The following PLCXD3 variants were observed in gnomAD, a reference collection of about 807,000 sequenced individuals.
PLCXD3 encodes PI-PLC X domain-containing protein 3.
In PLCXD3, 19 loss-of-function variants were observed where a neutral mutation model predicts 25.5. The observed-to-expected ratio is 0.75, with a 90% CI of 0.52 to 1.09. PLCXD3 has a LOEUF of 1.09. PLCXD3 is among the 50% of genes least tolerant of loss of function. The pLI, the probability that PLCXD3 is intolerant of heterozygous loss-of-function variation, is 0.00. For synonymous variants in PLCXD3, 174 were observed against 137.6 expected (o/e 1.26, Z -1.85); for missense variants, 411 against 388.1 (o/e 1.06, Z -0.50).
At chr5:41,456,733 T>C (rs1747762011) in intron 1 of PLCXD3, among the ~76,000 whole-genome samples, 1 of 151,856 alleles carries the variant, frequency 6.6e-6, no homozygotes, top group Non-Finnish European at 1.5e-5. Context: ...GAGAGATCCC[T>C]TGTCCCTTCC....
intron 2 of PLCXD3, among the ~76,000 whole-genome samples, chr5:41,341,414 T>A (rs1744145164): frequency 6.6e-6 from 1 of 152,206 alleles, no homozygotes; most frequent in African/African-American, 2.4e-5. Flanking sequence ...TACCTCATGA[T>A]TACTAGGAAG....
chr5:41,478,967 G>A (rs1239078009), intron 1 of PLCXD3, among the ~76,000 whole-genome samples: 1 of 152,076 alleles, frequency 6.6e-6, no homozygotes, highest in Non-Finnish European at 1.5e-5. Flanking sequence ...AGAACAGCAA[G>A]GGGGAAGTCT....
chr5:41,324,884 C>T (rs765668277), intron 2 of PLCXD3, among the ~76,000 whole-genome samples: 7 of 152,128 alleles, frequency 4.6e-5, no homozygotes, highest in African/African-American at 1.7e-4. Context: ...ATGCTGAGGC[C>T]AGTATTGATT....
intron 2 of PLCXD3, among the ~76,000 whole-genome samples, chr5:41,316,330 C>G (rs970273792): frequency 6.6e-6 from 1 of 152,128 alleles, no homozygotes; most frequent in South Asian, 2.1e-4. Flanking sequence ...AACTGAAGAG[C>G]CCTTGGCCCC....
chr5:41,480,494 A>T (rs144430661), intron 1 of PLCXD3, among the ~76,000 whole-genome samples: 1,811 of 151,964 alleles, frequency 0.012, 41 homozygotes, highest in African/African-American at 0.041. Flanking sequence ...CAGAGAAAAA[A>T]CACAATTCAG....
chr5:41,340,690 G>A (rs1213389504), intron 2 of PLCXD3, among the ~76,000 whole-genome samples: 1 of 152,166 alleles, frequency 6.6e-6, no homozygotes, highest in African/African-American at 2.4e-5. Flanking sequence ...CTCTCAGGCA[G>A]AACTGTTTAG....
At chr5:41,358,045 CA>C (rs1417025625) in intron 2 of PLCXD3, among the ~76,000 whole-genome samples, 3 of 152,192 alleles carry the variant, frequency 2.0e-5, no homozygotes, top group Admixed American at 6.5e-5. Flanking sequence ...AATATCCTTA[CA>C]AAAATATATT....
At chr5:41,330,680 G>C (rs1168829597) in intron 2 of PLCXD3, among the ~76,000 whole-genome samples, 1 of 152,130 alleles carries the variant, frequency 6.6e-6, no homozygotes, top group East Asian at 1.9e-4. Context: ...GATGAACATT[G>C]ATGCAAAAAT....
At chr5:41,348,578 C>T (rs144965458) in intron 2 of PLCXD3, among the ~76,000 whole-genome samples, 25 of 152,270 alleles carry the variant, frequency 1.6e-4, no homozygotes, top group Non-Finnish European at 3.2e-4. Flanking sequence ...GTTTTTCCTA[C>T]AGAAATCCCA....
chr5:41,317,269 A>T (rs776726409), intron 2 of PLCXD3, among the ~76,000 whole-genome samples: 2 of 152,234 alleles, frequency 1.3e-5, no homozygotes, highest in African/African-American at 2.4e-5. Context: ...TCAAGGTGGT[A>T]CCTCTACAAG....
At chr5:41,350,220 T>C (rs111959171) in intron 2 of PLCXD3, among the ~76,000 whole-genome samples, 1 of 152,148 alleles carries the variant, frequency 6.6e-6, no homozygotes, top group East Asian at 1.9e-4. Flanking sequence ...TTAAATTCCG[T>C]CCTCTGTTTT....
Position 41,313,554 on chromosome 5 carries a change from G to A in PLCXD3, c.*63C>T. On this transcript the variant is annotated 3_prime_UTR_variant, in exon 3 of 3. Transcript: ENST00000377801. ...GAATAGGAAGATCAGAGTGTTTACA[G>A]ATAGTATGCCCTAATACAATGAGCT... The A allele has an allele frequency of 6.3e-7, 1 of 1,587,696 alleles. No individual in the cohort carries two copies. Among genetic ancestry groups the A allele is most frequent in the Non-Finnish European group, 8.6e-7 (1 of 1,157,324 alleles).
chr5:41,381,095 A>T (rs1745445208), intron 2 of PLCXD3, among the ~76,000 whole-genome samples: 1 of 152,132 alleles, frequency 6.6e-6, no homozygotes, highest in Non-Finnish European at 1.5e-5. Flanking sequence ...AAAATATATC[A>T]CTTTTTTGAA....
intron 2 of PLCXD3, among the ~76,000 whole-genome samples, chr5:41,378,064 A>G (rs1745349343): frequency 6.6e-6 from 1 of 152,116 alleles, no homozygotes; most frequent in Admixed American, 6.6e-5. Context: ...TGTCAGAATC[A>G]GTTCACTTCA....
Position 41,381,899 on chromosome 5 carries a change from C to G in PLCXD3, c.739G>C (p.Val247Leu). 1 of 1,613,290 alleles carries G rather than the reference C, an allele frequency of 6.2e-7. No individual in the cohort carries two copies. Among genetic ancestry groups the G allele is most frequent in the Non-Finnish European group, 8.5e-7 (1 of 1,179,670 alleles). Residue 247 changes from valine (V) to leucine (L), a missense_variant, in exon 2 of 3, where the codon GTG becomes CTG. Physicochemically the swap from Val to Leu is conservative, Grantham distance 32. Transcript: ENST00000377801. ...GTGCTAGCTTTGGGGGTCAGCACCA[C>G]CTGAGATATAAAAAACGATCCCTTC... is the stretch of plus-strand genomic sequence containing the variant. ...RKKGSFFISQ[V>L]VLTPKASTVV...
At chr5:41,420,444 A>G (rs1746792667) in intron 1 of PLCXD3, among the ~76,000 whole-genome samples, 1 of 152,170 alleles carries the variant, frequency 6.6e-6, no homozygotes, top group South Asian at 2.1e-4. Flanking sequence ...CCTCCAAAAC[A>G]ACCAACTTTA....
At chr5:41,479,103 T>C (rs868262976) in intron 1 of PLCXD3, among the ~76,000 whole-genome samples, 15 of 152,108 alleles carry the variant, frequency 9.9e-5, no homozygotes, top group Non-Finnish European at 4.4e-5. Context: ...GACAGAAGAA[T>C]GGGTAAACAA....
Position 41,426,524 on chromosome 5 carries a change from T to C in PLCXD3, c.104-43990A>G, listed in dbSNP as rs1746960628. Among the ~76,000 whole-genome samples the C allele has an allele frequency of 2.0e-5, 3 of 152,092 alleles. No homozygotes were observed. The South Asian group carries it at 6.2e-4, about 31-fold the overall frequency. Reference sequence around the variant, plus strand: ...CTATTTTTAGTCTTTATCCTTCATATGTTAACAAAGCTACTTAGTTTGACA... The same window carrying C: ...CTATTTTTAGTCTTTATCCTTCATACGTTAACAAAGCTACTTAGTTTGACA... On this transcript the variant is annotated intron_variant, in intron 1 of 2. Coordinates refer to ENST00000377801, the MANE Select transcript of PLCXD3 (RefSeq NM_001005473.3).
chr5:41,454,794 A>T (rs1006903404), intron 1 of PLCXD3, among the ~76,000 whole-genome samples: 2 of 151,942 alleles, frequency 1.3e-5, no homozygotes, highest in African/African-American at 4.8e-5. Context: ...TTACAAAAGA[A>T]ACCAATTGTA....
Sources: gnomAD v4.1 joint callset for allele counts (sites outside exome capture counted in the v4.1 genomes callset) on GRCh38, gnomAD v4.1.1 for gene constraint, MANE v1.5 for transcripts, NCBI Gene and HGNC (gene_info 2026-07-23, HGNC 2026-07-21) for gene names.